ARK2C: variants seen among roughly 807,000 people sequenced by gnomAD.
ARK2C encodes arkadia (RNF111) C-terminal like ring finger ubiquitin ligase 2C, also known as E3 ubiquitin-protein ligase ARK2C.
the ARK2C span, among the ~76,000 whole-genome samples, chr18:46,439,870 C>T: frequency 2.6e-5 from 4 of 152,152 alleles, no homozygotes; most frequent in East Asian, 1.9e-4. Context: ...CTCGCTCTGT[C>T]GCCAGGCTGG....
chr18:46,388,143 G>A, the ARK2C span, among the ~76,000 whole-genome samples: 1 of 152,176 alleles, frequency 6.6e-6, no homozygotes, highest in East Asian at 1.9e-4. Flanking sequence ...GATTACAGCT[G>A]GGAGGTGAAG....
the ARK2C span, chr18:46,462,266 GC>G: frequency 1.3e-5 from 2 of 152,964 alleles, no homozygotes; most frequent in African/African-American, 4.8e-5. Flanking sequence ...GGGAGTTCAC[GC>G]CCCTGAGAGT....
the ARK2C span, among the ~76,000 whole-genome samples, chr18:46,355,629 G>A: frequency 6.6e-6 from 1 of 152,148 alleles, no homozygotes; most frequent in African/African-American, 2.4e-5. Context: ...AGGAATGCTG[G>A]CCTCTCCTTC....
the ARK2C span, among the ~76,000 whole-genome samples, chr18:46,415,896 C>A: frequency 6.6e-6 from 1 of 152,068 alleles, no homozygotes; most frequent in East Asian, 1.9e-4. Flanking sequence ...ACCTGGAGTG[C>A]CAGGTGGGAG....
the ARK2C span, among the ~76,000 whole-genome samples, chr18:46,448,350 C>T: frequency 0.012 from 1,888 of 152,272 alleles, 32 homozygotes; most frequent in Non-Finnish European, 0.016. Flanking sequence ...CTCCTATTCA[C>T]ACTCTGGCTT....
chr18:46,334,709 TGTGTGTGAGAGA>T, the ARK2C span: 368 of 143,960 alleles, frequency 2.6e-3, no homozygotes, highest in East Asian at 0.011. The surrounding 1 kb of genome is among the most constrained non-coding windows in gnomAD (Gnocchi z 4.4). Context: ...TGTGTGTGTG[TGTGTGTGAGAGA>T]GAGAGAGAGC....
At chr18:46,337,287 C>G in the ARK2C span, 1 of 985,352 alleles carries the variant, frequency 1.0e-6, no homozygotes, top group South Asian at 4.7e-5. Flanking sequence ...GTAGCGTGTT[C>G]TGCTGTGCTG....
At chr18:46,401,012 C>A in the ARK2C span, among the ~76,000 whole-genome samples, 1 of 152,142 alleles carries the variant, frequency 6.6e-6, no homozygotes, top group Non-Finnish European at 1.5e-5. Context: ...AAGCCTTGAA[C>A]TGGAAACGCT....
At chr18:46,439,857 A>G in the ARK2C span, among the ~76,000 whole-genome samples, 1 of 152,114 alleles carries the variant, frequency 6.6e-6, no homozygotes, top group African/African-American at 2.4e-5. Flanking sequence ...TTTGAGACGG[A>G]GTCTCGCTCT....
the ARK2C span, among the ~76,000 whole-genome samples, chr18:46,408,580 C>A: frequency 6.6e-6 from 1 of 152,194 alleles, no homozygotes; most frequent in East Asian, 1.9e-4. Context: ...AGGAAGAGAG[C>A]ACATCATGGG....
At chr18:46,455,829 A>C in the ARK2C span, 10 of 591,194 alleles carry the variant, frequency 1.7e-5, no homozygotes, top group African/African-American at 1.3e-4. Context: ...AGCAAGAATC[A>C]GTCTCAAAAA....
the ARK2C span, among the ~76,000 whole-genome samples, chr18:46,399,406 C>T: frequency 6.6e-6 from 1 of 152,220 alleles, no homozygotes; most frequent in Non-Finnish European, 1.5e-5. Context: ...TAGGCTGGGC[C>T]AGGCCATGGG....
chr18:46,455,847 A>C, the ARK2C span: 1 of 619,596 alleles, frequency 1.6e-6, no homozygotes, highest in Non-Finnish European at 2.9e-6. Flanking sequence ...AAACAAAACA[A>C]AACAAACAAA....
At chr18:46,403,442 C>A in the ARK2C span, among the ~76,000 whole-genome samples, 1 of 152,178 alleles carries the variant, frequency 6.6e-6, no homozygotes, top group East Asian at 1.9e-4. Context: ...GGCCAACTCA[C>A]CTAAGTGTAG....
the ARK2C span, among the ~76,000 whole-genome samples, chr18:46,342,373 A>G: frequency 6.6e-6 from 1 of 152,216 alleles, no homozygotes; most frequent in African/African-American, 2.4e-5. Flanking sequence ...TCTGAATGCT[A>G]GGCTCTTTGT....
the ARK2C span, among the ~76,000 whole-genome samples, chr18:46,395,416 C>T: frequency 6.6e-6 from 1 of 152,164 alleles, no homozygotes; most frequent in African/African-American, 2.4e-5. Context: ...TGGCACCTCC[C>T]CACTAGATGC....
At chr18:46,386,063 T>C in the ARK2C span, 2 of 152,214 alleles carry the variant, frequency 1.3e-5, no homozygotes, top group Admixed American at 6.5e-5. Flanking sequence ...AAATAAAGTA[T>C]TGGGGTTCAC....
At chr18:46,353,760 G>A in the ARK2C span, among the ~76,000 whole-genome samples, 2 of 152,148 alleles carry the variant, frequency 1.3e-5, no homozygotes, top group Non-Finnish European at 2.9e-5. Context: ...TCTGAGAAGG[G>A]AAAGGAAACG....
chr18:46,400,459 A>G, the ARK2C span, among the ~76,000 whole-genome samples: 1 of 152,188 alleles, frequency 6.6e-6, no homozygotes, highest in East Asian at 1.9e-4. Context: ...CACCTCTTCA[A>G]CTCAGATCCA....
Sources: allele counts gnomAD v4.1 joint callset (sites outside exome capture counted in the v4.1 genomes callset), GRCh38; gene constraint gnomAD v4.1.1; non-coding constraint Gnocchi (gnomAD v3.1); transcripts MANE v1.5; gene names NCBI Gene and HGNC (gene_info 2026-07-23, HGNC 2026-07-21).